The following PHF19 variants were observed in gnomAD, a reference collection of about 807,000 sequenced individuals.
PHF19 encodes the protein polycomb like 3.
PHF19 carries 21 observed loss-of-function variants against 79.8 expected under a neutral mutation model. The ratio of observed to expected loss-of-function variants is 0.26; its 90% confidence interval spans 0.19 to 0.38. The LOEUF is 0.38. PHF19 is among the 10% of genes least tolerant of loss of function. The probability of loss-of-function intolerance (pLI) is 1.00; values close to 1 mark genes in which losing one functional copy is unlikely to be tolerated. For missense variants in PHF19, 445 were observed against 744.2 expected, an observed-to-expected ratio of 0.60 and a Z score of 4.68; for synonymous variants, 273 against 296.3, an observed-to-expected ratio of 0.92 and a Z score of 0.81.
At chr9:120,888,021 G>A (rs575754283) in intron 1 of PHF19, among the ~76,000 whole-genome samples, 3 of 152,292 alleles carry the variant, frequency 2.0e-5, no homozygotes, top group African/African-American at 7.2e-5. Context: ...CGCCCAGACT[G>A]GAGTGCAGTC....
chr9:120,861,021 C>G (rs1399843275), intron 13 of PHF19, 68 bp downstream of exon 13: 2 of 913,354 alleles, frequency 2.2e-6, no homozygotes, highest in Non-Finnish European at 3.7e-6. Context: ...TAACTGAGGG[C>G]TTGGCTTTCT....
intron 1 of PHF19, among the ~76,000 whole-genome samples, chr9:120,882,856 A>AG (rs541246581): frequency 2.5e-3 from 381 of 151,678 alleles, no homozygotes; most frequent in African/African-American, 7.9e-3. Context: ...AAAAAAAAAA[A>AG]AAAGAAAGAA....
chr9:120,866,996 G>A lies in PHF19; in HGVS notation c.615-31C>T. The A allele has an allele frequency of 7.6e-7, 1 of 1,309,714 alleles. No individual in the cohort carries two copies. The highest frequency in any genetic ancestry group is 1.1e-6 in the Non-Finnish European group (1 of 902,410). The allele number at this position is 1,309,714 out of a possible 1,614,324, so 81.1% of individuals were successfully genotyped here. A position where few individuals can be genotyped will look rare whatever the true frequency, so the allele number is the denominator to read the frequency against. ...GAGACAGAGGAGCCAAGGTCAGCCA[G>A]GACCACACCCCCAGTCAGGTATGAG... On this transcript the variant is annotated intron_variant, in intron 6 of 14. Transcript: ENST00000373896. This position sits in a 1 kb window ranked among gnomAD's most constrained non-coding sequence, Gnocchi z 5.2.
rs2045875039 is a variant in PHF19 at position 120,870,843 on chromosome 9, T to C, written c.269-305A>G. On this transcript the variant is annotated intron_variant, in intron 3 of 14. Coordinates refer to ENST00000373896, the MANE Select transcript of PHF19 (RefSeq NM_015651.3). The surrounding 1 kb of genome is among the most constrained non-coding windows in gnomAD (Gnocchi z 4.4). ...GACACATCATGCTGCCTCTCCCGCC[T>C]TATTTAACTTGTTTTGTTAAATGGT... Among the ~76,000 whole-genome samples the C allele has an allele frequency of 6.6e-6, 1 of 152,244 alleles. No individual in the cohort carries two copies.
chr9:120,901,825 T>A, the PHF19 span, among the ~76,000 whole-genome samples: 1 of 152,150 alleles, frequency 6.6e-6, no homozygotes, highest in Non-Finnish European at 1.5e-5. Context: ...CCCAGTCAAG[T>A]CTGACTGGCC....
In PHF19 at chr9:120,856,466, T is replaced by C. The variant is rs1000437976; in HGVS notation, c.*1478A>G. Reference sequence around the variant, plus strand: ...GCCAAGCTGGAGGCCACAGCAGCAGTTGGCAAGGCTGGTCCCCATCTGGTG... The same window carrying C: ...GCCAAGCTGGAGGCCACAGCAGCAGCTGGCAAGGCTGGTCCCCATCTGGTG... On this transcript the variant is annotated 3_prime_UTR_variant, in exon 15 of 15. Coordinates refer to ENST00000373896, the MANE Select transcript of PHF19 (RefSeq NM_015651.3). The C allele has an allele frequency of 1.6e-4, 24 of 152,418 alleles. No homozygotes were observed. The highest frequency in any genetic ancestry group is 5.8e-4 in the African/African-American group (24 of 41,592). 9.4% of individuals were successfully genotyped at this position (152,418 alleles called of 1,614,324 possible). A position where few individuals can be genotyped will look rare whatever the true frequency, so the allele number is the denominator to read the frequency against.
rs757442570 is a variant in PHF19, at chr9:120,874,571, G to A, written c.171C>T (p.Leu57=). ...ATGGGTTTACCCTCTTGATCTTCCCGAGGTAGTACAGGCCATCTGTCCACC... is the reference window on the plus strand; with the variant it reads ...ATGGGTTTACCCTCTTGATCTTCCCAAGGTAGTACAGGCCATCTGTCCACC... The part of the protein sequence containing the change: ...LCRWTDGLYY[L]GKIKRVSSSK... The change falls in exon 2 of 15, where the codon CTC becomes CTT. Residue 57 remains leucine (L), a synonymous_variant. Coordinates refer to ENST00000373896, the MANE Select transcript of PHF19 (RefSeq NM_015651.3). This position sits in a 1 kb window ranked among gnomAD's most constrained non-coding sequence, Gnocchi z 4.5. The A allele has an allele frequency of 4.2e-5, 68 of 1,610,142 alleles. No individual in the cohort carries two copies. The highest frequency in any genetic ancestry group is 5.6e-5 in the Non-Finnish European group (66 of 1,176,392).
At chr9:120,877,465 C>G, upstream of PHF19, 1 of 608,534 alleles carries the variant, frequency 1.6e-6, no homozygotes, top group Non-Finnish European at 2.1e-6. Flanking sequence ...CGCGGGCGCG[C>G]ATCCTCCGCG....
intron 10 of PHF19, among the ~76,000 whole-genome samples, 196 bp downstream of exon 10, chr9:120,863,853 C>T (rs1015272649): frequency 9.9e-5 from 15 of 152,182 alleles, no homozygotes; most frequent in African/African-American, 3.4e-4. Flanking sequence ...TACCAAAATA[C>T]GGCAGGCTGC....
Position 120,866,114 on chromosome 9 carries a change from C to A in PHF19, c.711-18G>T, listed in dbSNP as rs76971701. 1.9e-6 allele frequency: 3 copies of A among 1,605,968 alleles called. No homozygotes were observed. Among genetic ancestry groups the A allele is most frequent in the Non-Finnish European group, 1.7e-6 (2 of 1,172,738 alleles). ...GGTAAAACCTGTGGGTGGGTAGAGA[C>A]GGGGGCCTATGGTGGGAGGGGCTCT... On this transcript the variant is annotated intron_variant, in intron 7 of 14. Transcript: ENST00000373896. This position sits in a 1 kb window ranked among gnomAD's most constrained non-coding sequence, Gnocchi z 5.2.
intron 3 of PHF19, among the ~76,000 whole-genome samples, chr9:120,872,914 G>A (rs750008866): frequency 2.6e-5 from 4 of 152,080 alleles, no homozygotes; most frequent in East Asian, 1.9e-4. Context: ...GAGCCACTGC[G>A]CCTGGCTGGT....
At chr9:120,895,608 T>C (rs975784181), upstream of PHF19, among the ~76,000 whole-genome samples, 6 of 152,156 alleles carry the variant, frequency 3.9e-5, no homozygotes, top group South Asian at 2.1e-4. Flanking sequence ...GGACAAGTGA[T>C]TGCCTTAAAG....
At chr9:120,863,956 G>A (rs2045616667) in intron 10 of PHF19, 93 bp downstream of exon 10, 2 of 1,005,412 alleles carry the variant, frequency 2.0e-6, no homozygotes. Flanking sequence ...GTATCAGAGA[G>A]GCAGGGAGCA....
At position 120,874,807 on chromosome 9, in the gene PHF19, G is replaced by A. The variant is rs1338858935; in HGVS notation, c.-15-51C>T. On this transcript the variant is annotated intron_variant, in intron 1 of 14. Coordinates refer to ENST00000373896, the MANE Select transcript of PHF19 (RefSeq NM_015651.3). The surrounding 1 kb of genome is among the most constrained non-coding windows in gnomAD (Gnocchi z 4.5). ...GCTTCTTGCTTCCCTGCTTCAGAAA[G>A]CCCATCAGGGGAAGGAAGGAAACCA... 8.1e-7 allele frequency: 1 copy of A among 1,238,614 alleles called. No homozygotes were observed. Among genetic ancestry groups the A allele is most frequent in the Non-Finnish European group, 1.2e-6 (1 of 857,054 alleles). The allele number at this position is 1,238,614 out of a possible 1,614,324, so 76.7% of individuals were successfully genotyped here.
intron 3 of PHF19, among the ~76,000 whole-genome samples, chr9:120,872,667 T>TC (rs1421941508): frequency 6.6e-6 from 1 of 151,846 alleles, no homozygotes; most frequent in Non-Finnish European, 1.5e-5. Flanking sequence ...TGTAACAAAT[T>TC]CTTTTTTTTT....
upstream of PHF19, among the ~76,000 whole-genome samples, chr9:120,878,266 A>C (rs946842182): frequency 2.0e-5 from 3 of 152,186 alleles, no homozygotes; most frequent in African/African-American, 7.2e-5. Context: ...ACATGCACAG[A>C]GTCATAGGAA....
chr9:120,886,532 C>G (rs1040165048), intron 1 of PHF19, among the ~76,000 whole-genome samples: 4 of 152,222 alleles, frequency 2.6e-5, no homozygotes, highest in Non-Finnish European at 5.9e-5. Context: ...GCTCAAACCA[C>G]GAGTCATTTA....
At position 120,860,862 on chromosome 9, in the gene PHF19, A is replaced by G. The variant is rs2045500112; in HGVS notation, c.1304+227T>C. 2.0e-6 allele frequency: 1 copy of G among 501,874 alleles called. No homozygotes were observed. The highest frequency in any genetic ancestry group is 1.9e-5 in the African/African-American group (1 of 51,896). 31.1% of individuals were successfully genotyped at this position (501,874 alleles called of 1,614,324 possible). On this transcript the variant is annotated intron_variant, in intron 13 of 14. Transcript: ENST00000373896. The surrounding 1 kb of genome is among the most constrained non-coding windows in gnomAD (Gnocchi z 4.1). ...ACGAGCAAAGATGAGCAAGCATCAA[A>G]CAGCATGGTGAGTGTGGATAACCAT...
chr9:120,903,228 T>A, the PHF19 span: 2 of 152,252 alleles, frequency 1.3e-5, no homozygotes, highest in African/African-American at 4.8e-5. Flanking sequence ...AGCCCCAGAA[T>A]GTTTGCTGCT....
Sources: allele counts gnomAD v4.1 joint callset (sites outside exome capture counted in the v4.1 genomes callset), GRCh38; gene constraint gnomAD v4.1.1; non-coding constraint Gnocchi (gnomAD v3.1); transcripts MANE v1.5; gene names NCBI Gene and HGNC (gene_info 2026-07-23, HGNC 2026-07-21).